GPI: variants seen among roughly 807,000 people sequenced by gnomAD.
GPI encodes glucose-6-phosphate isomerase.
Under a neutral mutation model 75.8 loss-of-function variants are expected in GPI, and 56 were observed. The observed-to-expected ratio is 0.74, with a 90% CI of 0.60 to 0.92. The LOEUF is 0.92. Ranked by LOEUF, GPI falls within the 40% of genes least tolerant of loss-of-function variation. GPI has a pLI of 0.00. For missense variants in GPI, 638 were observed against 741.0 expected (o/e 0.86, Z 1.61); for synonymous variants, 288 against 285.4 (o/e 1.01, Z -0.09).
chr19:34,381,557 TC>T, intron 9 of GPI, 38 bp downstream of exon 9: 1 of 1,437,204 alleles, frequency 7.0e-7, no homozygotes, highest in Non-Finnish European at 9.8e-7. Context: ...GAATTAAGTG[TC>T]CTTTGCCAAG....
At position 34,393,561 on chromosome 19, in the gene GPI, C is replaced by T; in HGVS notation, c.866-167C>T. 1.4e-6 allele frequency: 1 copy of T among 730,420 alleles called. No homozygotes were observed. Among genetic ancestry groups the T allele is most frequent in the Non-Finnish European group, 2.4e-6 (1 of 414,508 alleles). 45.2% of individuals were successfully genotyped at this position (730,420 alleles called of 1,614,324 possible). On this transcript the variant is annotated intron_variant, in intron 10 of 17. Coordinates refer to ENST00000356487, the MANE Select transcript of GPI (RefSeq NM_000175.5). This position sits in a 1 kb window ranked among gnomAD's most constrained non-coding sequence, Gnocchi z 4.4. ...TATCCTAGGCAGAGTCAGATCCCTG[C>T]ACTCAGGGCCACCTCTCACTGGAGG... is the stretch of plus-strand genomic sequence containing the variant.
intron 4 of GPI, among the ~76,000 whole-genome samples, chr19:34,373,823 T>C (rs2074492035): frequency 6.6e-6 from 1 of 152,196 alleles, no homozygotes; most frequent in Non-Finnish European, 1.5e-5. Context: ...TCACTAGCAG[T>C]GCTGCCTTTG....
At chr19:34,362,574 C>T (rs190041281), upstream of GPI, among the ~76,000 whole-genome samples, 3 of 152,212 alleles carry the variant, frequency 2.0e-5, no homozygotes, top group South Asian at 2.1e-4. Flanking sequence ...GGTGAACACC[C>T]GTAACATCTT....
chr19:34,365,124 C>A, upstream of GPI: 1 of 1,295,496 alleles, frequency 7.7e-7, no homozygotes. Flanking sequence ...GGGGCCGGGG[C>A]TCAGGGGTGG....
chr19:34,397,116 AAG>A (rs1434771038), intron 14 of GPI, among the ~76,000 whole-genome samples: 1 of 152,096 alleles, frequency 6.6e-6, no homozygotes, highest in East Asian at 1.9e-4. Context: ...GGGCTATCTG[AAG>A]AGTTTCTGAA....
Position 34,399,197 on chromosome 19 carries a change from C to G in GPI, c.1270-10C>G. ...GTGCTCTCAAGCATAACTGATGTCT[C>G]GCTCATCAGATCCTCCTGGCCAACT... On this transcript the variant is annotated splice_polypyrimidine_tract_variant and intron_variant, in intron 14 of 17. Transcript: ENST00000356487. 1 of 1,611,090 alleles carries G rather than the reference C, an allele frequency of 6.2e-7. No homozygotes were observed. Among genetic ancestry groups the G allele is most frequent in the Non-Finnish European group, 8.5e-7 (1 of 1,178,944 alleles).
chr19:34,361,257 A>AT (rs907603124), upstream of GPI, among the ~76,000 whole-genome samples: 1 of 151,772 alleles, frequency 6.6e-6, no homozygotes, highest in African/African-American at 2.4e-5. Context: ...CGTCCAGCTA[A>AT]TTTTTTTGTA....
chr19:34,379,394 C>T (rs1469579220), intron 7 of GPI, 124 bp from the exon 8 acceptor site: 4 of 898,790 alleles, frequency 4.5e-6, no homozygotes, highest in African/African-American at 3.3e-5. Flanking sequence ...CCTTCTCCAA[C>T]AGTCTCAGAA....
At chr19:34,373,245 C>T (rs1330430818) in intron 4 of GPI, among the ~76,000 whole-genome samples, 14 of 151,896 alleles carry the variant, frequency 9.2e-5, no homozygotes, top group Admixed American at 1.3e-4. Context: ...CAAAATTAGC[C>T]AGGAGTAGTG....
At chr19:34,395,587 C>T (rs2074931989) in intron 12 of GPI, among the ~76,000 whole-genome samples, 1 of 152,190 alleles carries the variant, frequency 6.6e-6, no homozygotes, top group Admixed American at 6.5e-5. Context: ...AGCCTGCTCT[C>T]CCTTAAGAAA....
chr19:34,365,620 G>C (rs982722008), intron 1 of GPI: 1 of 723,236 alleles, frequency 1.4e-6, no homozygotes, highest in Non-Finnish European at 2.4e-6. Context: ...GCTTCGTTAC[G>C]AGGAAAAACG....
At chr19:34,362,322 AAAG>A (rs1376813825), upstream of GPI, among the ~76,000 whole-genome samples, 8 of 152,280 alleles carry the variant, frequency 5.3e-5, no homozygotes, top group East Asian at 1.5e-3. Flanking sequence ...AAGAAGAAAA[AAAG>A]AAAATCCATG....
Position 34,400,496 on chromosome 19 carries a change from G to C in GPI, c.*460G>C, listed in dbSNP as rs372406143. ...GCCCTGAGAAGACAATAGTGGGGTG[G>C]GGGCACAATCAGTCAGGACGGCAAC... On this transcript the variant is annotated 3_prime_UTR_variant, in exon 18 of 18. Coordinates refer to ENST00000356487, the MANE Select transcript of GPI (RefSeq NM_000175.5). 3 of 510,200 alleles carry C rather than the reference G, an allele frequency of 5.9e-6. No individual in the cohort carries two copies. The highest frequency in any genetic ancestry group is 1.0e-5 in the Non-Finnish European group (3 of 292,588). 31.6% of individuals were successfully genotyped at this position (510,200 alleles called of 1,614,324 possible). A position where few individuals can be genotyped will look rare whatever the true frequency, so the allele number is the denominator to read the frequency against.
rs192593135 is a variant in GPI, at chr19:34,388,942, A to G, written c.805-4306A>G. 1.2e-4 allele frequency among the ~76,000 whole-genome samples: 19 copies of G among 152,064 alleles called. No individual in the cohort carries two copies. In the East Asian group the frequency reaches 3.5e-3, roughly 28 times the overall value. On this transcript the variant is annotated intron_variant, in intron 9 of 17. Coordinates refer to ENST00000356487, the MANE Select transcript of GPI (RefSeq NM_000175.5). ...ACCCCATCTCTACAAAAAATTTAAAAAATAGTCAAGCATGGTGGTGTGTGC... is the reference window on the plus strand; with the variant it reads ...ACCCCATCTCTACAAAAAATTTAAAGAATAGTCAAGCATGGTGGTGTGTGC...
At position 34,396,365 on chromosome 19, in the gene GPI, GC is replaced by G; in HGVS notation, c.1131del (p.Ile378LeufsTer24). On this transcript the variant is annotated frameshift_variant, in exon 13 of 18. Coordinates refer to ENST00000356487, the MANE Select transcript of GPI (RefSeq NM_000175.5). LOFTEE classifies it high-confidence loss of function. Reference sequence around the variant, plus strand: ...GGAACCCGTGTGGACCACCAGACAGGCCCCATTGTGTGGGGGGAGCCAGGGA... The same window carrying G: ...GGAACCCGTGTGGACCACCAGACAGGCCCATTGTGTGGGGGGAGCCAGGGA... ...KSGTRVDHQT[G>X]PIVWGEPGTN... is the part of the protein sequence containing the mutation. The G allele has an allele frequency of 6.2e-7, 1 of 1,613,690 alleles. No individual in the cohort carries two copies.
chr19:34,401,817 ATTTT>A lies in GPI; in HGVS notation c.*1785_*1788del, dbSNP rs1412794646. 6.6e-6 allele frequency: 1 copy of A among 151,882 alleles called. No individual in the cohort carries two copies. The highest frequency in any genetic ancestry group is 6.6e-5 in the Admixed American group (1 of 15,244). The allele number at this position is 151,882 out of a possible 1,614,324, so 9.4% of individuals were successfully genotyped here. A position where few individuals can be genotyped will look rare whatever the true frequency, so the allele number is the denominator to read the frequency against. On this transcript the variant is annotated 3_prime_UTR_variant, in exon 18 of 18. Coordinates refer to ENST00000356487, the MANE Select transcript of GPI (RefSeq NM_000175.5). Reference sequence around the variant, plus strand: ...GTACACCCAGCTCATTTAAAAAAAAATTTTTTTCTTTTTTGAGAGTCTTGCTTTG... The same window carrying A: ...GTACACCCAGCTCATTTAAAAAAAAATTTCTTTTTTGAGAGTCTTGCTTTG...
At chr19:34,364,592 G>C (rs1308390048), upstream of GPI, 3 of 201,720 alleles carry the variant, frequency 1.5e-5, no homozygotes, top group African/African-American at 6.9e-5. Context: ...TGGCCAGTCT[G>C]GTCTGGAACT....
chr19:34,362,495 TA>T (rs1256341128), upstream of GPI, among the ~76,000 whole-genome samples: 1 of 152,058 alleles, frequency 6.6e-6, no homozygotes, highest in African/African-American at 2.4e-5. Flanking sequence ...TCTTTCGCAA[TA>T]CCCAAAGCTG....
At chr19:34,364,576 C>T (rs1278144713), upstream of GPI, among the ~76,000 whole-genome samples, 1 of 151,762 alleles carries the variant, frequency 6.6e-6, no homozygotes, top group Non-Finnish European at 1.5e-5. Flanking sequence ...TGAGGTTTCA[C>T]CAGGTTGGCC....
Sources: gnomAD v4.1 joint callset for allele counts (sites outside exome capture counted in the v4.1 genomes callset) on GRCh38, gnomAD v4.1.1 for gene constraint, Gnocchi (gnomAD v3.1) non-coding constraint, MANE v1.5 for transcripts, NCBI Gene and HGNC (gene_info 2026-07-23, HGNC 2026-07-21) for gene names.